Variants in CACNA1I observed in about 807,000 individuals in gnomAD.
The protein encoded by CACNA1I is voltage-dependent T-type calcium channel subunit alpha-1I.
Under a neutral mutation model 201.6 loss-of-function variants are expected in CACNA1I, and 74 were observed. The ratio of observed to expected loss-of-function variants is 0.37; its 90% CI spans 0.30 to 0.45. CACNA1I has a LOEUF of 0.45. CACNA1I is among the 20% of genes least tolerant of loss of function. The pLI, the probability that CACNA1I is intolerant of heterozygous loss-of-function variation, is 1.00. For missense variants in CACNA1I, 2,346 were observed against 3,138.1 expected (o/e 0.75, Z 6.03); for synonymous variants, 1,431 against 1,345.2 (o/e 1.06, Z -1.40).
At chr22:39,632,995 T>C (rs1397314355) in intron 4 of CACNA1I, among the ~76,000 whole-genome samples, 2 of 151,838 alleles carry the variant, frequency 1.3e-5, no homozygotes, top group Non-Finnish European at 2.9e-5. Flanking sequence ...TGGGCCTTAA[T>C]TATTGATTGG....
At chr22:39,597,625 T>G (rs555760263) in intron 1 of CACNA1I, among the ~76,000 whole-genome samples, 1 of 152,316 alleles carries the variant, frequency 6.6e-6, no homozygotes, top group African/African-American at 2.4e-5. Flanking sequence ...TGATGAGCCC[T>G]ACCTGAGCCC....
At chr22:39,594,660 C>T (rs567844078) in intron 1 of CACNA1I, among the ~76,000 whole-genome samples, 36 of 152,082 alleles carry the variant, frequency 2.4e-4, no homozygotes, top group South Asian at 1.0e-3. Flanking sequence ...ACCAGGTCAC[C>T]TCTCCCACTC....
At chr22:39,601,507 G>A (rs1470344859) in intron 3 of CACNA1I, among the ~76,000 whole-genome samples, 1 of 152,176 alleles carries the variant, frequency 6.6e-6, no homozygotes, top group Non-Finnish European at 1.5e-5. Flanking sequence ...CATTAACCAT[G>A]CCCAAGAGTG....
chr22:39,653,083 A>ATTCCCCCACACGGTG (rs1160540170), intron 10 of CACNA1I, among the ~76,000 whole-genome samples: 4 of 144,120 alleles, frequency 2.8e-5, no homozygotes, highest in Admixed American at 1.4e-4. Flanking sequence ...GGGTGCACGG[A>ATTCCCCCACACGGTG]GCCCCCCACA....
intron 29 of CACNA1I, 99 bp downstream of exon 29, chr22:39,674,132 C>G: frequency 8.6e-7 from 1 of 1,157,246 alleles, no homozygotes; most frequent in South Asian, 1.3e-5. Context: ...TCACATCTGC[C>G]AGAGCCAGGG....
At chr22:39,598,108 C>A (rs765162974) in intron 1 of CACNA1I, 43 bp from the exon 2 acceptor site, 2 of 1,281,008 alleles carry the variant, frequency 1.6e-6, no homozygotes, top group Non-Finnish European at 2.2e-6. Flanking sequence ...CCAGCCCCCA[C>A]GGGCGATCCC....
chr22:39,616,679 G>A (rs1933545902), intron 3 of CACNA1I, among the ~76,000 whole-genome samples: 2 of 150,528 alleles, frequency 1.3e-5, no homozygotes, highest in South Asian at 2.1e-4. Context: ...CAGGAGAATC[G>A]CTTGAACCCG....
At chr22:39,602,581 A>G (rs1308888050) in intron 3 of CACNA1I, among the ~76,000 whole-genome samples, 1 of 151,876 alleles carries the variant, frequency 6.6e-6, no homozygotes, top group Non-Finnish European at 1.5e-5. Flanking sequence ...AGGTGTTTGG[A>G]TAGTGTCATT....
Position 39,658,170 on chromosome 22 carries a change from A to T in CACNA1I, c.2011A>T (p.Ile671Phe). 1 of 1,613,956 alleles carries T rather than the reference A, an allele frequency of 6.2e-7. No individual in the cohort carries two copies. Among genetic ancestry groups the T allele is most frequent in the Non-Finnish European group, 8.5e-7 (1 of 1,179,844 alleles). The change falls in exon 11 of 37, where the codon ATC becomes TTC. Residue 671 changes from isoleucine to phenylalanine, a missense_variant. Coordinates refer to ENST00000402142, the MANE Select transcript of CACNA1I (RefSeq NM_021096.4). ...HHEQPEELTN[I>F]LEICNVVFTS... ...CCCACAGCCGGAGGAGCTGACCAAC[A>T]TCCTGGAGATCTGCAATGTGGTCTT...
At chr22:39,619,263 C>T in intron 3 of CACNA1I, 47 bp from the exon 4 acceptor site, 1 of 1,470,376 alleles carries the variant, frequency 6.8e-7, no homozygotes, top group Non-Finnish European at 9.4e-7. Flanking sequence ...GCCCTGGCCC[C>T]AGCTGGCCTC....
intron 17 of CACNA1I, 75 bp downstream of exon 17, chr22:39,662,510 G>A: frequency 8.6e-7 from 1 of 1,160,160 alleles, no homozygotes; most frequent in South Asian, 1.7e-5. Flanking sequence ...CAGGAGGCGG[G>A]GCCCGAGCGG....
intron 1 of CACNA1I, among the ~76,000 whole-genome samples, chr22:39,574,175 C>T (rs1932270026): frequency 6.6e-6 from 1 of 152,212 alleles, no homozygotes; most frequent in South Asian, 2.1e-4. Flanking sequence ...ATTTAAGGCT[C>T]AGCGACACTG....
At position 39,634,673 on chromosome 22, in the gene CACNA1I, T is replaced by C; in HGVS notation, c.689T>C (p.Leu230Pro). ...ATCTTTGGCATCATAGGTGTGCAGC[T>C]CTGGGCGGGCCTGCTGCGTAACCGC... ...FFIFGIIGVQ[L>P]WAGLLRNRCF... Residue 230 changes from leucine (L) to proline (P), a missense_variant, in exon 5 of 37, where the codon CTC becomes CCC. By Grantham distance (98) the Leu-to-Pro change is moderately conservative. Coordinates refer to ENST00000402142, the MANE Select transcript of CACNA1I (RefSeq NM_021096.4). 1 of 1,613,996 alleles carries C rather than the reference T, an allele frequency of 6.2e-7. No individual in the cohort carries two copies. Among genetic ancestry groups the C allele is most frequent in the Non-Finnish European group, 8.5e-7 (1 of 1,179,894 alleles).
At chr22:39,662,688 C>T (rs1185601372) in intron 17 of CACNA1I, 88 bp from the exon 18 acceptor site, 6 of 980,028 alleles carry the variant, frequency 6.1e-6, no homozygotes, top group South Asian at 4.3e-5. Context: ...GGTGACCCTG[C>T]GACCCCAGTT....
chr22:39,583,247 TTCA>T (rs1296056387), intron 1 of CACNA1I, among the ~76,000 whole-genome samples: 2 of 151,836 alleles, frequency 1.3e-5, no homozygotes, highest in African/African-American at 4.8e-5. Context: ...CATCCATTCA[TTCA>T]TCAATCCAAC....
chr22:39,617,553 G>A (rs568711672), intron 3 of CACNA1I, among the ~76,000 whole-genome samples: 15 of 152,282 alleles, frequency 9.9e-5, no homozygotes, highest in African/African-American at 3.4e-4. Context: ...TGGGCCCCGC[G>A]GGTGCCAGCG....
At chr22:39,675,887 A>AG (rs981139302) in intron 29 of CACNA1I, among the ~76,000 whole-genome samples, 7 of 152,046 alleles carry the variant, frequency 4.6e-5, no homozygotes, top group African/African-American at 1.7e-4. Flanking sequence ...TCAGGCTGGG[A>AG]GGGGGGTCCC....
At chr22:39,668,657 C>A (rs994115279) in intron 24 of CACNA1I, among the ~76,000 whole-genome samples, 1 of 152,108 alleles carries the variant, frequency 6.6e-6, no homozygotes, top group Non-Finnish European at 1.5e-5. Flanking sequence ...GGGTGCAGAG[C>A]CTGGTGGGTA....
At chr22:39,609,867 C>T (rs1401402013) in intron 3 of CACNA1I, among the ~76,000 whole-genome samples, 1 of 152,228 alleles carries the variant, frequency 6.6e-6, no homozygotes, top group Non-Finnish European at 1.5e-5. Flanking sequence ...ACCATGTCTC[C>T]AAGCCCTGGT....
Sources: allele counts gnomAD v4.1 joint callset (sites outside exome capture counted in the v4.1 genomes callset), GRCh38; gene constraint gnomAD v4.1.1; transcripts MANE v1.5; gene names NCBI Gene and HGNC (gene_info 2026-07-23, HGNC 2026-07-21).